LRRC4C: variants seen among roughly 807,000 people sequenced by gnomAD.
The protein encoded by LRRC4C is leucine-rich repeat-containing protein 4C.
LRRC4C carries 5 observed loss-of-function variants against 33.6 expected under a neutral mutation model. That is an observed-to-expected ratio of 0.15 (90% CI 0.08 to 0.31). The LOEUF is 0.31. Ranked by LOEUF, LRRC4C falls within the 10% of genes least tolerant of loss-of-function variation. The pLI is 1.00. For missense variants in LRRC4C, 560 were observed against 796.7 expected, an observed-to-expected ratio of 0.70 and a Z score of 3.58; for synonymous variants, 329 against 302.0, an observed-to-expected ratio of 1.09 and a Z score of -0.93.
In LRRC4C at chr11:40,915,427, C is replaced by G. The variant is rs149585172; in HGVS notation, c.-407+18208G>C. ...ACTACCTGATCTTTGACAAACCTGA[C>G]AAAAACAAGAAATGAGAAAAGGATT... On this transcript the variant is annotated intron_variant, in intron 2 of 6. Transcript: ENST00000528697. 6.2e-4 allele frequency among the ~76,000 whole-genome samples: 94 copies of G among 152,166 alleles called. 1 individual carries two copies. The East Asian group carries it at 0.012, about 20-fold the overall frequency.
intron 1 of LRRC4C, among the ~76,000 whole-genome samples, chr11:41,157,708 G>GAT (rs1247757519): frequency 1.3e-5 from 2 of 152,064 alleles, no homozygotes; most frequent in African/African-American, 4.8e-5. Context: ...ATTGGGCTTT[G>GAT]ATATGATTTT....
chr11:40,176,556 A>G (rs1283894889), intron 5 of LRRC4C, among the ~76,000 whole-genome samples: 1 of 141,196 alleles, frequency 7.1e-6, no homozygotes, highest in Admixed American at 7.1e-5. Flanking sequence ...TTTTTTTTTT[A>G]AGAGACAGGG....
At chr11:40,658,868 C>A (rs1411520997) in intron 2 of LRRC4C, among the ~76,000 whole-genome samples, 1 of 152,192 alleles carries the variant, frequency 6.6e-6, no homozygotes, top group Non-Finnish European at 1.5e-5. Flanking sequence ...GCAGTGACAG[C>A]CCATCTGCAA....
intron 2 of LRRC4C, among the ~76,000 whole-genome samples, chr11:40,912,958 A>G (rs1454777327): frequency 6.6e-6 from 1 of 152,266 alleles, no homozygotes; most frequent in Non-Finnish European, 1.5e-5. Context: ...GAAGACCATT[A>G]CATAATGGTA....
At chr11:40,993,066 A>G (rs1249821574) in intron 1 of LRRC4C, among the ~76,000 whole-genome samples, 1 of 152,140 alleles carries the variant, frequency 6.6e-6, no homozygotes, top group Non-Finnish European at 1.5e-5. Flanking sequence ...ATGGCAATTA[A>G]AATAAAATAA....
chr11:40,983,490 G>T (rs1240889650), intron 1 of LRRC4C, among the ~76,000 whole-genome samples: 1 of 152,152 alleles, frequency 6.6e-6, no homozygotes, highest in Non-Finnish European at 1.5e-5. Context: ...AAAAGCAATT[G>T]CAACAAAAGC....
chr11:41,126,977 G>A (rs59305383), intron 1 of LRRC4C, among the ~76,000 whole-genome samples: 226 of 152,250 alleles, frequency 1.5e-3, no homozygotes, highest in African/African-American at 5.2e-3. Context: ...GAGATAGTTT[G>A]TCATGCAACA....
chr11:41,070,447 T>A (rs1016464795), intron 1 of LRRC4C, among the ~76,000 whole-genome samples: 1 of 151,996 alleles, frequency 6.6e-6, no homozygotes, highest in African/African-American at 2.4e-5. Flanking sequence ...AGCTTCTGCA[T>A]AGCAAAAGAA....
At chr11:40,598,058 A>G (rs951106509) in intron 3 of LRRC4C, among the ~76,000 whole-genome samples, 8 of 152,198 alleles carry the variant, frequency 5.3e-5, no homozygotes, top group African/African-American at 1.9e-4. Flanking sequence ...TGCTTTTTCA[A>G]AAGTTTCCTC....
At chr11:41,387,161 T>TA (rs1953393640) in intron 1 of LRRC4C, among the ~76,000 whole-genome samples, 1 of 151,590 alleles carries the variant, frequency 6.6e-6, no homozygotes, top group African/African-American at 2.4e-5. Flanking sequence ...TTTTCTCCTG[T>TA]AGATAACTAG....
chr11:41,008,580 T>G (rs1854937119), intron 1 of LRRC4C, among the ~76,000 whole-genome samples: 1 of 152,140 alleles, frequency 6.6e-6, no homozygotes, highest in South Asian at 2.1e-4. Context: ...GCCCACCATG[T>G]TTCCAAAGAG....
intron 2 of LRRC4C, among the ~76,000 whole-genome samples, chr11:40,902,671 T>C (rs1182304721): frequency 6.6e-6 from 1 of 152,140 alleles, no homozygotes; most frequent in Non-Finnish European, 1.5e-5. Flanking sequence ...TGAATGCTAA[T>C]AAAATGAAAC....
chr11:41,202,870 C>T (rs992450662), intron 1 of LRRC4C, among the ~76,000 whole-genome samples: 1 of 151,942 alleles, frequency 6.6e-6, no homozygotes, highest in African/African-American at 2.4e-5. Flanking sequence ...TCTGCAACCT[C>T]CGCCTCCCGG....
chr11:40,246,725 C>T lies in LRRC4C; in HGVS notation c.-175-5127G>A, dbSNP rs564443374. On this transcript the variant is annotated intron_variant, in intron 4 of 6. Coordinates refer to ENST00000528697, the MANE Select transcript of LRRC4C (RefSeq NM_001258419.2). ...ATAGGTAAAAGCATATTTTTTTCAT[C>T]TTTCTTAGATTATAAAAGTAGGTAG... Among the ~76,000 whole-genome samples, 26 of 152,026 alleles carry T rather than the reference C, an allele frequency of 1.7e-4. No individual in the cohort carries two copies. In the South Asian group the frequency reaches 5.4e-3, roughly 32 times the overall value.
intron 1 of LRRC4C, among the ~76,000 whole-genome samples, chr11:41,368,816 C>G (rs1408949248): frequency 6.6e-6 from 1 of 152,128 alleles, no homozygotes; most frequent in Non-Finnish European, 1.5e-5. Context: ...AATTCTTTTC[C>G]TATCTATCAT....
At chr11:40,490,008 C>T (rs1177480387) in intron 3 of LRRC4C, among the ~76,000 whole-genome samples, 1 of 151,886 alleles carries the variant, frequency 6.6e-6, no homozygotes, top group Non-Finnish European at 1.5e-5. Context: ...TTGAAAATAC[C>T]CACTCTCCTT....
At chr11:40,355,303 A>G (rs1306659009) in intron 3 of LRRC4C, among the ~76,000 whole-genome samples, 1 of 152,066 alleles carries the variant, frequency 6.6e-6, no homozygotes, top group East Asian at 1.9e-4. Context: ...GGGTGACACA[A>G]GCCCTCCCTT....
chr11:41,009,912 G>T (rs913124630), intron 1 of LRRC4C, among the ~76,000 whole-genome samples: 1 of 152,108 alleles, frequency 6.6e-6, no homozygotes, highest in East Asian at 1.9e-4. Context: ...TTATAATGAG[G>T]CCATTAGGGT....
intron 2 of LRRC4C, among the ~76,000 whole-genome samples, chr11:40,831,399 C>T (rs1952405782): frequency 6.6e-6 from 1 of 152,058 alleles, no homozygotes. Flanking sequence ...TCCAAGCAGA[C>T]ATATCTGATG....
Sources: allele counts gnomAD v4.1 joint callset (sites outside exome capture counted in the v4.1 genomes callset), GRCh38; gene constraint gnomAD v4.1.1; transcripts MANE v1.5; gene names NCBI Gene and HGNC (gene_info 2026-07-23, HGNC 2026-07-21).